LUZP2: variants seen among roughly 807,000 people sequenced by gnomAD.
LUZP2 encodes the protein leucine zipper protein 2.
In LUZP2, 52 loss-of-function variants were observed where a neutral mutation model predicts 51.6. The observed-to-expected ratio is 1.01, with a 90% CI of 0.81 to 1.27. The LOEUF is 1.27. Among genes scored for constraint, LUZP2 ranks in the 50% most tolerant of loss-of-function variants. LUZP2 has a pLI of 0.00. For missense variants in LUZP2, 436 were observed against 395.4 expected (o/e 1.10, Z -0.87); for synonymous variants, 154 against 137.3 (o/e 1.12, Z -0.85).
intron 5 of LUZP2, among the ~76,000 whole-genome samples, chr11:24,844,511 C>T (rs531909451): frequency 2.8e-4 from 43 of 152,272 alleles, no homozygotes; most frequent in African/African-American, 9.6e-4. Context: ...ATTCCATTTT[C>T]TGAGGAGAAA....
chr11:24,864,679 G>T (rs569648925), intron 5 of LUZP2, among the ~76,000 whole-genome samples: 1 of 152,228 alleles, frequency 6.6e-6, no homozygotes. Context: ...TATGAATAAA[G>T]TCTGGAGATT....
intron 1 of LUZP2, among the ~76,000 whole-genome samples, chr11:24,565,214 G>T (rs1336185700): frequency 6.6e-6 from 1 of 152,134 alleles, no homozygotes. Context: ...TCTAGGACTG[G>T]CTGTAAAGAA....
At chr11:25,023,973 G>C (rs1032089812) in intron 9 of LUZP2, among the ~76,000 whole-genome samples, 1 of 152,096 alleles carries the variant, frequency 6.6e-6, no homozygotes, top group Non-Finnish European at 1.5e-5. Context: ...CTGAGTTCTA[G>C]TTTGATTGCA....
intron 10 of LUZP2, among the ~76,000 whole-genome samples, chr11:25,055,361 A>C (rs755106563): frequency 1.4e-4 from 22 of 152,082 alleles, no homozygotes; most frequent in Non-Finnish European, 3.1e-4. Context: ...TTTTCAGGGT[A>C]CAAGTCTTGC....
intron 5 of LUZP2, among the ~76,000 whole-genome samples, chr11:24,826,628 A>G (rs1490156612): frequency 6.6e-6 from 1 of 151,898 alleles, no homozygotes; most frequent in Non-Finnish European, 1.5e-5. Context: ...AGGCAAACCA[A>G]TTTTCCACTG....
At chr11:24,804,452 A>C (rs1377655871) in intron 5 of LUZP2, among the ~76,000 whole-genome samples, 5 of 152,186 alleles carry the variant, frequency 3.3e-5, no homozygotes, top group Non-Finnish European at 4.4e-5. Context: ...AATTACTGAC[A>C]CAGGAGCCTT....
At chr11:24,939,137 C>A (rs189435262) in intron 7 of LUZP2, among the ~76,000 whole-genome samples, 29 of 152,030 alleles carry the variant, frequency 1.9e-4, no homozygotes, top group African/African-American at 7.0e-4. Flanking sequence ...ATTTGGAAAT[C>A]AAATTATCTC....
chr11:24,535,827 C>A (rs1851160111), intron 1 of LUZP2, among the ~76,000 whole-genome samples: 1 of 151,592 alleles, frequency 6.6e-6, no homozygotes, highest in Non-Finnish European at 1.5e-5. Flanking sequence ...ATGGTGAATC[C>A]TTTCGAGGTT....
At chr11:25,077,447 A>T in intron 11 of LUZP2, 41 bp downstream of exon 11, 1 of 964,524 alleles carries the variant, frequency 1.0e-6, no homozygotes, top group Non-Finnish European at 1.5e-6. Flanking sequence ...AAAAGCATTT[A>T]TTGGATCCAT....
chr11:24,727,984 A>G (rs1858544220), intron 1 of LUZP2, among the ~76,000 whole-genome samples: 1 of 152,054 alleles, frequency 6.6e-6, no homozygotes, highest in African/African-American at 2.4e-5. Flanking sequence ...TCTTAGTAAT[A>G]GAAATTATAT....
At chr11:25,060,508 C>G (rs17235281) in intron 10 of LUZP2, among the ~76,000 whole-genome samples, 1,899 of 152,264 alleles carry the variant, frequency 0.012, 20 homozygotes, top group Non-Finnish European at 0.018. Flanking sequence ...ATTCAGATAG[C>G]AGCAAAATTC....
chr11:24,635,070 T>A (rs1012527126), intron 1 of LUZP2, among the ~76,000 whole-genome samples: 9 of 152,216 alleles, frequency 5.9e-5, no homozygotes, highest in Admixed American at 2.0e-4. Flanking sequence ...TGAGACATTA[T>A]TTAATGGGTA....
At chr11:24,522,275 T>A (rs1850664115) in intron 1 of LUZP2, among the ~76,000 whole-genome samples, 1 of 152,176 alleles carries the variant, frequency 6.6e-6, no homozygotes. Context: ...AGTCACATAA[T>A]TTCTGAAACT....
chr11:25,014,996 A>C (rs1295281770), intron 9 of LUZP2, among the ~76,000 whole-genome samples: 1 of 152,184 alleles, frequency 6.6e-6, no homozygotes, highest in Non-Finnish European at 1.5e-5. Context: ...AGCACCCTTT[A>C]TTAAATAGGG....
At chr11:24,732,312 G>A in intron 3 of LUZP2, 124 bp downstream of exon 3, 1 of 670,944 alleles carries the variant, frequency 1.5e-6, no homozygotes, top group African/African-American at 1.9e-5. Context: ...ACTTAAATAT[G>A]CATGCAATTC....
At chr11:24,999,418 AAGG>A (rs976531793) in intron 9 of LUZP2, among the ~76,000 whole-genome samples, 24 of 100,764 alleles carry the variant, frequency 2.4e-4, no homozygotes, top group Admixed American at 4.0e-4. Flanking sequence ...GGAGAAGAAG[AAGG>A]AGGAGGAGGA....
intron 1 of LUZP2, among the ~76,000 whole-genome samples, chr11:24,710,573 A>T (rs569344867): frequency 3.6e-4 from 55 of 152,312 alleles, no homozygotes; most frequent in Non-Finnish European, 1.8e-4. Context: ...GTGCCAATAC[A>T]ATAGCAAGCT....
At chr11:24,863,061 G>T (rs1851786746) in intron 5 of LUZP2, among the ~76,000 whole-genome samples, 5 of 152,168 alleles carry the variant, frequency 3.3e-5, no homozygotes, top group Admixed American at 3.3e-4. Context: ...CTAGCTATAG[G>T]TAAGGATGTG....
intron 1 of LUZP2, among the ~76,000 whole-genome samples, chr11:24,548,740 A>G (rs1851635589): frequency 1.3e-5 from 2 of 152,086 alleles, no homozygotes; most frequent in Admixed American, 1.3e-4. Context: ...TAAAAATAAG[A>G]AAATAACATG....
Sources: allele counts gnomAD v4.1 joint callset (sites outside exome capture counted in the v4.1 genomes callset), GRCh38; gene constraint gnomAD v4.1.1; transcripts MANE v1.5; gene names NCBI Gene and HGNC (gene_info 2026-07-23, HGNC 2026-07-21).